The following GPC6 variants were observed in gnomAD, a reference collection of about 807,000 sequenced individuals.
The protein encoded by GPC6 is glypican 6, also known as glypican-6.
GPC6 carries 14 observed loss-of-function variants against 55.2 expected under a neutral mutation model. The ratio of observed to expected loss-of-function variants is 0.25; its 90% CI spans 0.17 to 0.40. GPC6 has a LOEUF of 0.40. GPC6 is among the 10% of genes least tolerant of loss of function. The pLI is 1.00. For synonymous variants in GPC6, 278 were observed against 259.6 expected (o/e 1.07, Z -0.68); for missense variants, 641 against 708.5 (o/e 0.90, Z 1.08).
chr13:93,328,394 C>T (rs1879728607), intron 1 of GPC6, among the ~76,000 whole-genome samples: 1 of 152,102 alleles, frequency 6.6e-6, no homozygotes, highest in Non-Finnish European at 1.5e-5. Context: ...TCACTCAGGG[C>T]TGGGTGCTGT....
At chr13:93,271,175 C>A (rs942138808) in intron 1 of GPC6, among the ~76,000 whole-genome samples, 1 of 152,158 alleles carries the variant, frequency 6.6e-6, no homozygotes, top group African/African-American at 2.4e-5. Flanking sequence ...CGTATTCTAA[C>A]AGAAATGTCT....
intron 3 of GPC6, among the ~76,000 whole-genome samples, chr13:93,913,512 A>C (rs1181949092): frequency 6.6e-6 from 1 of 152,040 alleles, no homozygotes; most frequent in African/African-American, 2.4e-5. Context: ...TGTTTTCTAT[A>C]ATGTTTTTGG....
intron 2 of GPC6, among the ~76,000 whole-genome samples, chr13:93,638,066 G>A (rs1026749485): frequency 5.9e-5 from 9 of 152,050 alleles, no homozygotes; most frequent in African/African-American, 2.2e-4. Flanking sequence ...CAATAATGAA[G>A]TCAACATGTA....
At chr13:94,226,403 A>T (rs985821949) in intron 4 of GPC6, among the ~76,000 whole-genome samples, 5 of 152,140 alleles carry the variant, frequency 3.3e-5, no homozygotes, top group Non-Finnish European at 5.9e-5. Context: ...TGTTTTTCAA[A>T]ATAGCTAGAA....
intron 2 of GPC6, among the ~76,000 whole-genome samples, chr13:93,566,331 G>A (rs1410685989): frequency 1.3e-5 from 2 of 152,246 alleles, no homozygotes; most frequent in African/African-American, 4.8e-5. Flanking sequence ...AATATTGTTA[G>A]TGTTTTTATA....
At chr13:93,483,745 A>G (rs1268642670) in intron 1 of GPC6, among the ~76,000 whole-genome samples, 1 of 152,184 alleles carries the variant, frequency 6.6e-6, no homozygotes, top group East Asian at 1.9e-4. Flanking sequence ...AATGCGGCTC[A>G]TGGTAGAAAC....
intron 2 of GPC6, among the ~76,000 whole-genome samples, chr13:93,801,765 G>A (rs1334192571): frequency 1.3e-5 from 2 of 152,204 alleles, no homozygotes; most frequent in African/African-American, 4.8e-5. Context: ...TTTTGTAAAT[G>A]TAGGAATAGG....
chr13:93,545,457 G>T, intron 2 of GPC6, 36 bp downstream of exon 2: 1 of 1,564,468 alleles, frequency 6.4e-7, no homozygotes, highest in Non-Finnish European at 8.8e-7. Flanking sequence ...TTTGTTATAG[G>T]TGCACTTTTC....
chr13:93,845,825 G>A (rs1888151566), intron 3 of GPC6, among the ~76,000 whole-genome samples: 1 of 128,454 alleles, frequency 7.8e-6, no homozygotes, highest in Admixed American at 9.1e-5. Flanking sequence ...ACACTCTGGG[G>A]ACTGTTGTGG....
At chr13:94,030,035 C>T (rs1234930920) in intron 4 of GPC6, among the ~76,000 whole-genome samples, 1 of 146,810 alleles carries the variant, frequency 6.8e-6, no homozygotes, top group Non-Finnish European at 1.5e-5. Flanking sequence ...GGGAGTCTTG[C>T]TCTGTCGCCC....
rs140114592 is a variant in GPC6 at position 93,822,400 on chromosome 13, C to T, written c.320-7754C>T. Among the ~76,000 whole-genome samples, 853 of 152,206 alleles carry T rather than the reference C, an allele frequency of 5.6e-3. 2 individuals carry two copies. Among genetic ancestry groups the T allele is most frequent in the Admixed American group, 0.01 (160 of 15,272 alleles). On this transcript the variant is annotated intron_variant, in intron 2 of 8. Coordinates refer to ENST00000377047, the MANE Select transcript of GPC6 (RefSeq NM_005708.5). ...CATGCTCTCCAGGCTCGGTTATCTG[C>T]ATTAACTACTTAATATTAAGGGGAC... is the stretch of plus-strand genomic sequence containing the variant.
chr13:93,954,056 C>T (rs566652022), intron 3 of GPC6, among the ~76,000 whole-genome samples: 1 of 152,172 alleles, frequency 6.6e-6, no homozygotes, highest in African/African-American at 2.4e-5. Flanking sequence ...GAAGTCACTC[C>T]CTAGTCCTCC....
chr13:93,776,238 T>C (rs1256942773), intron 2 of GPC6, among the ~76,000 whole-genome samples: 1 of 152,164 alleles, frequency 6.6e-6, no homozygotes, highest in Non-Finnish European at 1.5e-5. Flanking sequence ...AGTGTTATTA[T>C]AATATAGCAG....
intron 4 of GPC6, among the ~76,000 whole-genome samples, chr13:94,085,973 T>C (rs1885267997): frequency 6.6e-6 from 1 of 152,220 alleles, no homozygotes; most frequent in Admixed American, 6.5e-5. Flanking sequence ...AATGGGTTAT[T>C]GAAGAAGAGA....
At chr13:93,598,660 G>A (rs1877876006) in intron 2 of GPC6, among the ~76,000 whole-genome samples, 1 of 152,032 alleles carries the variant, frequency 6.6e-6, no homozygotes, top group Admixed American at 6.5e-5. Flanking sequence ...TAAAGCAAAT[G>A]TGACTTAAAA....
At chr13:94,045,408 A>T (rs1259115485) in intron 4 of GPC6, among the ~76,000 whole-genome samples, 2 of 151,864 alleles carry the variant, frequency 1.3e-5, no homozygotes, top group African/African-American at 2.4e-5. Flanking sequence ...TTTTTTATTT[A>T]AAAAAATTCA....
intron 4 of GPC6, among the ~76,000 whole-genome samples, chr13:94,206,624 C>T (rs527597027): frequency 6.6e-6 from 1 of 151,954 alleles, no homozygotes; most frequent in East Asian, 1.9e-4. Flanking sequence ...GAGGCTGAGG[C>T]GAGCAGATCG....
chr13:93,345,117 T>G (rs1368127958), intron 1 of GPC6, among the ~76,000 whole-genome samples: 1 of 152,156 alleles, frequency 6.6e-6, no homozygotes, highest in African/African-American at 2.4e-5. Context: ...GGTATGTGAT[T>G]AAAATGTTGA....
chr13:94,348,134 A>G lies in GPC6; in HGVS notation c.1153-34280A>G, dbSNP rs146329806. Among the ~76,000 whole-genome samples, 338 of 152,292 alleles carry G rather than the reference A, an allele frequency of 2.2e-3. 2 individuals are homozygous for G. Among genetic ancestry groups the G allele is most frequent in the African/African-American group, 7.7e-3 (318 of 41,550 alleles). ...CTGGTTGGTTGAATGGGTTTCTTTT[A>G]GCCTATAAGGGCCTTAGGATTCTCC... On this transcript the variant is annotated intron_variant, in intron 6 of 8. Transcript: ENST00000377047.
Sources: gnomAD v4.1 joint callset for allele counts (sites outside exome capture counted in the v4.1 genomes callset) on GRCh38, gnomAD v4.1.1 for gene constraint, MANE v1.5 for transcripts, NCBI Gene and HGNC (gene_info 2026-07-23, HGNC 2026-07-21) for gene names.